The following AXIN1 variants were observed in gnomAD, a reference collection of about 807,000 sequenced individuals.
AXIN1 encodes the protein axin 1, also known as axin-1.
AXIN1 carries 30 observed loss-of-function variants against 76.4 expected under a neutral mutation model. The ratio of observed to expected loss-of-function variants is 0.39; its 90% CI spans 0.29 to 0.53. The LOEUF is 0.53. Among genes scored for constraint, AXIN1 ranks in the 20% least tolerant of loss-of-function variants. AXIN1 has a pLI of 0.66. For missense variants in AXIN1, 1,140 were observed against 1,198.8 expected, an observed-to-expected ratio of 0.95 and a Z score of 0.72; for synonymous variants, 545 against 501.4, an observed-to-expected ratio of 1.09 and a Z score of -1.16.
At chr16:295,230 G>C (rs59260763) in intron 7 of AXIN1, among the ~76,000 whole-genome samples, 2 of 150,486 alleles carry the variant, frequency 1.3e-5, no homozygotes, top group African/African-American at 4.9e-5. Context: ...CTCAGCCACC[G>C]AGTAGCTGGG....
intron 2 of AXIN1, among the ~76,000 whole-genome samples, chr16:314,997 T>C (rs576025630): frequency 4.5e-4 from 69 of 152,308 alleles, no homozygotes; most frequent in Non-Finnish European, 7.9e-4. Flanking sequence ...GTACTAGAAA[T>C]GGGACGCAGA....
chr16:294,574 G>A (rs577548563), intron 7 of AXIN1, among the ~76,000 whole-genome samples: 1 of 151,568 alleles, frequency 6.6e-6, no homozygotes, highest in African/African-American at 2.4e-5. Context: ...GGCCAACATG[G>A]TGAAACCCTG....
chr16:291,256 C>G lies in AXIN1; in HGVS notation c.2228G>C (p.Arg743Thr). Residue 743 changes from arginine to threonine, a missense_variant, in exon 9 of 11, where the codon AGG becomes ACG. Arg to Thr is a moderately conservative substitution (Grantham distance 71). Transcript: ENST00000262320. ...GTGCAGCACCGGCGCGCACGCTGGC[C>G]TGACGCAGGCGCGTCCCCGCCGCAT... ...EVMRRGRACV[R>T]PACAPVLHVV... 6.3e-7 allele frequency: 1 copy of G among 1,585,342 alleles called. No individual in the cohort carries two copies. Among genetic ancestry groups the G allele is most frequent in the Non-Finnish European group, 8.6e-7 (1 of 1,166,744 alleles).
chr16:351,483 GC>G (rs1262180299), intron 1 of AXIN1, among the ~76,000 whole-genome samples: 1 of 152,058 alleles, frequency 6.6e-6, no homozygotes, highest in Non-Finnish European at 1.5e-5. Context: ...GGTGGCGCAT[GC>G]CTGTTATCCC....
At chr16:296,560 G>A (rs888972866) in intron 7 of AXIN1, among the ~76,000 whole-genome samples, 9 of 152,152 alleles carry the variant, frequency 5.9e-5, no homozygotes, top group African/African-American at 2.2e-4. Flanking sequence ...GTGGCGCCGG[G>A]GCCTTGCTCC....
At chr16:317,374 GAAC>G (rs1010657008) in intron 2 of AXIN1, among the ~76,000 whole-genome samples, 5 of 152,128 alleles carry the variant, frequency 3.3e-5, no homozygotes, top group African/African-American at 9.7e-5. Context: ...CCTTTCATAC[GAAC>G]AGTGCTGGTG....
chr16:335,092 C>A (rs1315193589), intron 2 of AXIN1, among the ~76,000 whole-genome samples: 1 of 152,102 alleles, frequency 6.6e-6, no homozygotes, highest in Non-Finnish European at 1.5e-5. Context: ...CATAACAAAG[C>A]CAAAATAAAA....
At position 288,344 on chromosome 16, in the gene AXIN1, G is replaced by A. The variant is rs375571864; in HGVS notation, c.2463-96C>T. 18 of 1,577,976 alleles carry A rather than the reference G, an allele frequency of 1.1e-5. No homozygotes were observed. The East Asian group carries it at 1.3e-4, about 12-fold the overall frequency. ...ACGGCGTGTCCACACCCCATCCCGA[G>A]GAGCCTCCTGTCCATGCCCCACGGC... On this transcript the variant is annotated intron_variant, in intron 10 of 10. Coordinates refer to ENST00000262320, the MANE Select transcript of AXIN1 (RefSeq NM_003502.4).
chr16:302,056 G>T (rs777035734), intron 5 of AXIN1, among the ~76,000 whole-genome samples: 4 of 152,184 alleles, frequency 2.6e-5, no homozygotes, highest in Admixed American at 6.5e-5. Flanking sequence ...CCCCAATGCC[G>T]CTGGCCTCAG....
In AXIN1 at chr16:346,427, G is replaced by A. The variant is rs2141703036; in HGVS notation, c.599C>T (p.Ser200Phe). The A allele has an allele frequency of 1.9e-6, 3 of 1,614,208 alleles. 1 individual carries two copies. The change falls in exon 2 of 11, where the codon TCC (serine) becomes TTC (phenylalanine). Residue 200 changes from serine (S) to phenylalanine (F), a missense_variant. This residue lies in a region of AXIN1 where 708 missense variants were observed against 776.9 expected (regional missense o/e 0.91). Coordinates refer to ENST00000262320, the MANE Select transcript of AXIN1 (RefSeq NM_003502.4). ...CAAATAAATATCAGACTTAAGGAAG[G>A]AGGGATAGGTGTTTTCCTCCATAGT... ...QATMEENTYP[S>F]FLKSDIYLEY...
chr16:298,969 A>G, intron 5 of AXIN1: 2 of 556,284 alleles, frequency 3.6e-6, no homozygotes, highest in South Asian at 7.8e-5. Flanking sequence ...GGATTTCACT[A>G]TGTTGGCCAG....
At chr16:297,366 C>T (rs902568018) in intron 6 of AXIN1, 140 bp from the exon 7 acceptor site, 3 of 1,132,646 alleles carry the variant, frequency 2.6e-6, no homozygotes, top group African/African-American at 3.1e-5. Context: ...CCGCTTGTCC[C>T]CCACCCGCTG....
intron 2 of AXIN1, among the ~76,000 whole-genome samples, chr16:328,937 C>A (rs1440659763): frequency 6.6e-6 from 1 of 152,144 alleles, no homozygotes; most frequent in African/African-American, 2.4e-5. Flanking sequence ...GTCCTCTCTG[C>A]ACAACCCCTG....
At chr16:301,053 A>G (rs214244) in intron 5 of AXIN1, among the ~76,000 whole-genome samples, 66,633 of 151,738 alleles carry the variant, frequency 0.44, 15,977 homozygotes, top group African/African-American at 0.63. Flanking sequence ...GGTGGATCAC[A>G]AGGTCGGGAG....
Position 298,162 on chromosome 16 carries a change from C to T in AXIN1, c.1344G>A (p.Pro448=), listed in dbSNP as rs1391375571. The T allele has an allele frequency of 1.4e-5, 21 of 1,543,086 alleles. No homozygotes were observed. Among genetic ancestry groups the T allele is most frequent in the South Asian group, 3.6e-5 (3 of 84,244 alleles). The stretch of plus-strand genomic sequence containing the variant: ...CACAGCCCATGTCCACACAGCGGGG[C>T]GGGAAGTGGTGCCAAGCGGGGGCGG... The part of the protein sequence containing the change: ...LPPAPAWHHF[P]PRCVDMGCAG... Residue 448 remains proline, a synonymous_variant, in exon 6 of 11, where the codon CCG becomes CCA. Coordinates refer to ENST00000262320, the MANE Select transcript of AXIN1 (RefSeq NM_003502.4).
intron 2 of AXIN1, among the ~76,000 whole-genome samples, chr16:341,597 C>T (rs1353826443): frequency 2.0e-5 from 3 of 152,258 alleles, no homozygotes; most frequent in African/African-American, 7.2e-5. Flanking sequence ...AGCGCCCGGT[C>T]CCATTGACCA....
intron 7 of AXIN1, among the ~76,000 whole-genome samples, chr16:295,352 C>A (rs2052683580): frequency 6.6e-6 from 1 of 151,862 alleles, no homozygotes; most frequent in Non-Finnish European, 1.5e-5. Context: ...TCAAGCGATC[C>A]ACCTGCCTCG....
chr16:316,641 T>C (rs2053308412), intron 2 of AXIN1, among the ~76,000 whole-genome samples: 2 of 151,856 alleles, frequency 1.3e-5, no homozygotes, highest in Non-Finnish European at 2.9e-5. Flanking sequence ...TTACAGGGGG[T>C]TTATCACAGT....
At position 314,695 on chromosome 16, in the gene AXIN1, C is replaced by T. The variant is rs750676997; in HGVS notation, c.879-12G>A. 6.2e-7 allele frequency: 1 copy of T among 1,613,166 alleles called. No individual in the cohort carries two copies. The highest frequency in any genetic ancestry group is 8.5e-7 in the Non-Finnish European group (1 of 1,180,012). ...GCCAGGATCCATACCTGCAAACAGGCAAGCAGGGCATGTTAGTGACAGCCT... is the reference window on the plus strand; with the variant it reads ...GCCAGGATCCATACCTGCAAACAGGTAAGCAGGGCATGTTAGTGACAGCCT... On this transcript the variant is annotated splice_polypyrimidine_tract_variant and intron_variant, in intron 2 of 10. Coordinates refer to ENST00000262320, the MANE Select transcript of AXIN1 (RefSeq NM_003502.4).
Sources: gnomAD v4.1 joint callset for allele counts (sites outside exome capture counted in the v4.1 genomes callset) on GRCh38, gnomAD v4.1.1 for gene constraint, gnomAD v4.1.1 regional missense constraint, MANE v1.5 for transcripts, NCBI Gene and HGNC (gene_info 2026-07-23, HGNC 2026-07-21) for gene names.